RANBP10: variants seen among roughly 807,000 people sequenced by gnomAD.
The protein encoded by RANBP10 is RAN binding protein 10.
RANBP10 carries 24 observed loss-of-function variants against 72.8 expected under a neutral mutation model. That is an observed-to-expected ratio of 0.33 (90% CI 0.24 to 0.46). The LOEUF (loss-of-function observed/expected upper bound fraction) is 0.46. RANBP10 is among the 20% of genes least tolerant of loss of function. The pLI is 1.00. For missense variants in RANBP10, 679 were observed against 817.5 expected (o/e 0.83, Z 2.07); for synonymous variants, 310 against 322.3 (o/e 0.96, Z 0.41).
At chr16:67,766,178 CTG>C (rs1050587493) in intron 3 of RANBP10, among the ~76,000 whole-genome samples, 1 of 152,204 alleles carries the variant, frequency 6.6e-6, no homozygotes, top group African/African-American at 2.4e-5. Flanking sequence ...GCTTTAGCTG[CTG>C]TCGTCTTCCA....
At chr16:67,802,297 C>T (rs894865396) in intron 2 of RANBP10, among the ~76,000 whole-genome samples, 1 of 152,162 alleles carries the variant, frequency 6.6e-6, no homozygotes, top group Non-Finnish European at 1.5e-5. Context: ...CAGTGGTCAA[C>T]TGAAGCAGGA....
rs1217009147 is a variant in RANBP10 at position 67,730,027 on chromosome 16, C to T, written c.909G>A (p.Leu303=). The T allele has an allele frequency of 1.2e-6, 2 of 1,612,868 alleles. No homozygotes were observed. Among genetic ancestry groups the T allele is most frequent in the East Asian group, 4.5e-5 (2 of 44,872 alleles). The change falls in exon 8 of 14, where the codon CTG becomes CTA. Residue 303 remains leucine (L), a synonymous_variant. Coordinates refer to ENST00000317506, the MANE Select transcript of RANBP10 (RefSeq NM_020850.3). The surrounding 1 kb of genome is among the most constrained non-coding windows in gnomAD (Gnocchi z 4.3). ...CGATGGCCTCGCCCACACGGCCCTC[C>T]AGCACCAGCTTCTGGATCTCTGCAG... is the stretch of plus-strand genomic sequence containing the variant. ...KNRQKIQKLV[L]EGRVGEAIET... is the part of the protein sequence containing the mutation.
intron 3 of RANBP10, among the ~76,000 whole-genome samples, chr16:67,746,331 A>G (rs1449949035): frequency 2.7e-5 from 4 of 150,286 alleles, no homozygotes; most frequent in Admixed American, 6.7e-5. Flanking sequence ...AATACAAAAA[A>G]TTAGCCAGGC....
At chr16:67,736,697 T>C (rs1033226552) in intron 5 of RANBP10, among the ~76,000 whole-genome samples, 1 of 152,220 alleles carries the variant, frequency 6.6e-6, no homozygotes, top group African/African-American at 2.4e-5. Context: ...TGCCTGGTCA[T>C]TTCATGTCAC....
intron 3 of RANBP10, among the ~76,000 whole-genome samples, chr16:67,766,692 ACT>A (rs1303579080): frequency 6.6e-6 from 1 of 151,702 alleles, no homozygotes; most frequent in Non-Finnish European, 1.5e-5. Context: ...GCCAAATAAA[ACT>A]CTTTTCTTTA....
At chr16:67,753,578 C>A (rs891437452) in intron 3 of RANBP10, among the ~76,000 whole-genome samples, 1 of 152,174 alleles carries the variant, frequency 6.6e-6, no homozygotes, top group Non-Finnish European at 1.5e-5. Flanking sequence ...CAATTGAGTT[C>A]TTGCTGAGAG....
chr16:67,769,601 C>A (rs1385832024), intron 3 of RANBP10, among the ~76,000 whole-genome samples: 1 of 151,124 alleles, frequency 6.6e-6, no homozygotes, highest in Non-Finnish European at 1.5e-5. Context: ...AAAAAATGAG[C>A]CGGGCGTGGT....
At chr16:67,737,499 G>A (rs1326122914) in intron 5 of RANBP10, among the ~76,000 whole-genome samples, 1 of 151,208 alleles carries the variant, frequency 6.6e-6, no homozygotes, top group Non-Finnish European at 1.5e-5. Context: ...ACCGCACCCG[G>A]CCAGAAAACT....
At chr16:67,798,063 A>G (rs1459689648) in intron 2 of RANBP10, among the ~76,000 whole-genome samples, 1 of 151,310 alleles carries the variant, frequency 6.6e-6, no homozygotes, top group Non-Finnish European at 1.5e-5. Context: ...CCCGTGTTCC[A>G]GAACCCAAAC....
intron 6 of RANBP10, 61 bp from the exon 7 acceptor site, chr16:67,731,645 A>C: frequency 7.7e-7 from 1 of 1,297,078 alleles, no homozygotes; most frequent in Non-Finnish European, 1.1e-6. Context: ...TGACTACCCA[A>C]TGGACTCAGG....
At chr16:67,793,079 C>T (rs1362319602) in intron 2 of RANBP10, among the ~76,000 whole-genome samples, 4 of 152,074 alleles carry the variant, frequency 2.6e-5, no homozygotes, top group African/African-American at 4.8e-5. Context: ...AGGCACTGCC[C>T]GTAACCGGAG....
rs760511023 is a variant in RANBP10, at chr16:67,727,407, G to A, written c.1652C>T (p.Pro551Leu). 5 of 1,613,848 alleles carry A rather than the reference G, an allele frequency of 3.1e-6. No individual in the cohort carries two copies. In the South Asian group the frequency reaches 4.4e-5, roughly 14 times the overall value. Residue 551 changes from proline to leucine, a missense_variant, in exon 13 of 14, where the codon CCC becomes CTC. Physicochemically the swap from Pro to Leu is moderately conservative, Grantham distance 98. Transcript: ENST00000317506. ...CTGCTGGCCAACTGGGCAGCTCCAGGGGTCTGAGTATGCCAGCAGGCTGAA... is the reference window on the plus strand; with the variant it reads ...CTGCTGGCCAACTGGGCAGCTCCAGAGGTCTGAGTATGCCAGCAGGCTGAA... ...DAFSLLAYSD[P>L]WSCPVGQQLD... is the part of the protein sequence containing the mutation.
In RANBP10 at chr16:67,726,399, G is replaced by GGCCAGCCAGA; in HGVS notation, c.*19_*28dup. The GGCCAGCCAGA allele has an allele frequency of 3.1e-6, 5 of 1,610,736 alleles. No homozygotes were observed. Among genetic ancestry groups the GGCCAGCCAGA allele is most frequent in the Non-Finnish European group, 4.2e-6 (5 of 1,178,928 alleles). On this transcript the variant is annotated 3_prime_UTR_variant, in exon 14 of 14. Transcript: ENST00000317506. ...AGCTCCAGCCCTGGGGCCAGTGGAG[G>GGCCAGCCAGA]GCCAGCCAGAGCCAGCCAGCACAGT...
chr16:67,744,682 T>A (rs1321306178), intron 3 of RANBP10, among the ~76,000 whole-genome samples: 1 of 152,186 alleles, frequency 6.6e-6, no homozygotes. Flanking sequence ...CATGCTGCGG[T>A]TAACAGGAAC....
At chr16:67,745,915 G>C (rs2054065370) in intron 3 of RANBP10, among the ~76,000 whole-genome samples, 1 of 152,068 alleles carries the variant, frequency 6.6e-6, no homozygotes, top group Non-Finnish European at 1.5e-5. Flanking sequence ...CCAGCACTTT[G>C]GGAGGCCGCA....
intron 2 of RANBP10, among the ~76,000 whole-genome samples, chr16:67,795,087 T>TA (rs928786549): frequency 5.3e-4 from 77 of 144,950 alleles, no homozygotes; most frequent in East Asian, 8.0e-4. Flanking sequence ...CATTTCTACT[T>TA]AAAAAAAAAA....
At chr16:67,774,633 A>G (rs1443565202) in intron 2 of RANBP10, among the ~76,000 whole-genome samples, 3 of 152,158 alleles carry the variant, frequency 2.0e-5, no homozygotes, top group East Asian at 1.9e-4. Flanking sequence ...ACATTTGGGC[A>G]CCATTCCACC....
rs116914721 is a variant in RANBP10, at chr16:67,792,613, A to G, written c.347+12815T>C. Reference sequence around the variant, plus strand: ...ATCCTGGCCAATATGGTGAAGCCCCATAAAATACAAAATACAAAAATTAGC... The same window carrying G: ...ATCCTGGCCAATATGGTGAAGCCCCGTAAAATACAAAATACAAAAATTAGC... On this transcript the variant is annotated intron_variant, in intron 2 of 13. Transcript: ENST00000317506. Among the ~76,000 whole-genome samples, 1,241 of 151,426 alleles carry G rather than the reference A, an allele frequency of 8.2e-3. 11 individuals are homozygous for G. The highest frequency in any genetic ancestry group is 0.014 in the Middle Eastern group (4 of 294).
At position 67,726,332 on chromosome 16, in the gene RANBP10, G is replaced by C. The variant is rs2053598176; in HGVS notation, c.*96C>G. Reference sequence around the variant, plus strand: ...GGCAGGAGGAGTGGACTCTGTCTATGGTTTCCCAGTCCCTGCACCAGTTGC... The same window carrying C: ...GGCAGGAGGAGTGGACTCTGTCTATCGTTTCCCAGTCCCTGCACCAGTTGC... On this transcript the variant is annotated 3_prime_UTR_variant, in exon 14 of 14. Coordinates refer to ENST00000317506, the MANE Select transcript of RANBP10 (RefSeq NM_020850.3). The C allele has an allele frequency of 1.3e-6, 2 of 1,558,642 alleles. No individual in the cohort carries two copies. The highest frequency in any genetic ancestry group is 1.7e-6 in the Non-Finnish European group (2 of 1,146,642).
Sources: gnomAD v4.1 joint callset for allele counts (sites outside exome capture counted in the v4.1 genomes callset) on GRCh38, gnomAD v4.1.1 for gene constraint, Gnocchi (gnomAD v3.1) non-coding constraint, MANE v1.5 for transcripts, NCBI Gene and HGNC (gene_info 2026-07-23, HGNC 2026-07-21) for gene names.